STYXL1: variants seen among roughly 807,000 people sequenced by gnomAD.
STYXL1 encodes serine/threonine/tyrosine-interacting-like protein 1.
Under a neutral mutation model 36.4 loss-of-function variants are expected in STYXL1, and 32 were observed. The ratio of observed to expected loss-of-function variants is 0.88; its 90% CI spans 0.66 to 1.18. The LOEUF is 1.18. Among genes scored for constraint, STYXL1 ranks in the 50% most tolerant of loss-of-function variants. The probability of loss-of-function intolerance (pLI) is 0.00; values close to 1 mark genes in which losing one functional copy is unlikely to be tolerated. For missense variants in STYXL1, 354 were observed against 394.1 expected, an observed-to-expected ratio of 0.90 and a Z score of 0.86; for synonymous variants, 133 against 144.1, an observed-to-expected ratio of 0.92 and a Z score of 0.55.
At chr7:76,046,393 A>G in intron 1 of STYXL1, among the ~76,000 whole-genome samples, 1 of 150,350 alleles carries the variant, frequency 6.7e-6, no homozygotes, top group South Asian at 2.1e-4. Context: ...ATCACCCAGG[A>G]TGGAGTACAA....
chr7:76,018,556 A>G (rs1554574753), intron 4 of STYXL1, among the ~76,000 whole-genome samples: 2 of 151,994 alleles, frequency 1.3e-5, no homozygotes, highest in Non-Finnish European at 1.5e-5. Flanking sequence ...ACGCCCAGCT[A>G]ATTTTTGTAT....
At chr7:76,046,371 A>G in intron 1 of STYXL1, among the ~76,000 whole-genome samples, 1 of 142,962 alleles carries the variant, frequency 7.0e-6, no homozygotes, top group African/African-American at 2.7e-5. Context: ...TTTGAGCCGG[A>G]GTTTAGCTCT....
rs1795006879 is a variant in STYXL1, at chr7:76,028,719, A to G, written c.104-16T>C. ...GAACGGACATCTGGAAAGGAAACGTATTTAAGAACTGAATTTGCAAAGGAA... is the reference window on the plus strand; with the variant it reads ...GAACGGACATCTGGAAAGGAAACGTGTTTAAGAACTGAATTTGCAAAGGAA... On this transcript the variant is annotated splice_polypyrimidine_tract_variant and intron_variant, in intron 2 of 8. Coordinates refer to ENST00000359697, the MANE Select transcript of STYXL1 (RefSeq NM_001317785.2). 1.2e-6 allele frequency: 2 copies of G among 1,613,434 alleles called. No individual in the cohort carries two copies. The highest frequency in any genetic ancestry group is 1.7e-6 in the Non-Finnish European group (2 of 1,179,362).
At chr7:75,996,669 G>T in intron 8 of STYXL1, 70 bp from the exon 9 acceptor site, 2 of 1,517,668 alleles carry the variant, frequency 1.3e-6, no homozygotes, top group Non-Finnish European at 1.8e-6. Context: ...ATCAGAGGCA[G>T]CTTTCAGAGA....
intron 4 of STYXL1, among the ~76,000 whole-genome samples, chr7:76,019,789 C>T (rs1554575421): frequency 6.6e-6 from 1 of 151,868 alleles, no homozygotes; most frequent in Admixed American, 6.6e-5. Flanking sequence ...CCCCACAGGG[C>T]CTGGCTCAGA....
chr7:76,003,663 A>G (rs1204103922), intron 7 of STYXL1, 95 bp downstream of exon 7: 2 of 1,146,378 alleles, frequency 1.7e-6, no homozygotes, highest in East Asian at 2.5e-5. Flanking sequence ...GCATGGGGAA[A>G]TCACGGTCCA....
intron 4 of STYXL1, among the ~76,000 whole-genome samples, chr7:76,020,943 G>A (rs1793980841): frequency 6.6e-6 from 1 of 152,104 alleles, no homozygotes. Flanking sequence ...AAGAAGGGAG[G>A]GGAACAAATG....
Position 76,035,715 on chromosome 7 carries a change from A to C in STYXL1, c.-4-5188T>G, listed in dbSNP as rs148496089. ...TAGTCCTACAACCTCATTAAGCAAA[A>C]CTAAAAGCTGGCTCCTAACCCATCT... On this transcript the variant is annotated intron_variant, in intron 1 of 8. Coordinates refer to ENST00000359697, the MANE Select transcript of STYXL1 (RefSeq NM_001317785.2). Among the ~76,000 whole-genome samples, 46 of 149,818 alleles carry C rather than the reference A, an allele frequency of 3.1e-4. 1 individual carries two copies. The highest frequency in any genetic ancestry group is 1.1e-3 in the African/African-American group (46 of 41,102).
chr7:76,045,652 C>A (rs139750583), intron 1 of STYXL1: 1 of 152,238 alleles, frequency 6.6e-6, no homozygotes, highest in Non-Finnish European at 1.5e-5. Flanking sequence ...GCCGAGATCG[C>A]GCCACTGCAC....
chr7:76,005,548 G>C, intron 5 of STYXL1, 144 bp from the exon 6 acceptor site: 3 of 746,978 alleles, frequency 4.0e-6, no homozygotes, highest in Non-Finnish European at 4.3e-6. Context: ...CTTTGAAAGA[G>C]ATTGGCACAC....
Position 76,027,962 on chromosome 7 carries a change from G to A in STYXL1, c.165+680C>T, listed in dbSNP as rs142838568. ...CTATAAAAAATACAAAAATTAGCCA[G>A]GCCTGGTGGCATTCCCCATTGTAGT... On this transcript the variant is annotated intron_variant, in intron 3 of 8. Coordinates refer to ENST00000359697, the MANE Select transcript of STYXL1 (RefSeq NM_001317785.2). Among the ~76,000 whole-genome samples the A allele has an allele frequency of 7.6e-3, 1,154 of 152,122 alleles. 11 individuals are homozygous for A. The highest frequency in any genetic ancestry group is 0.024 in the African/African-American group (1,011 of 41,508).
intron 5 of STYXL1, among the ~76,000 whole-genome samples, chr7:76,006,061 T>TCTTTC (rs1554570256): frequency 4.6e-5 from 7 of 151,956 alleles, no homozygotes; most frequent in Non-Finnish European, 8.8e-5. Context: ...TCAACCCATC[T>TCTTTC]TTTTCTTTTC....
intron 3 of STYXL1, among the ~76,000 whole-genome samples, chr7:76,027,691 A>T (rs1305377006): frequency 6.6e-6 from 1 of 152,112 alleles, no homozygotes; most frequent in Non-Finnish European, 1.5e-5. Flanking sequence ...AAAAACAGAA[A>T]AAATAATTAA....
At chr7:76,021,582 A>G (rs1794078941) in intron 4 of STYXL1, among the ~76,000 whole-genome samples, 3 of 151,862 alleles carry the variant, frequency 2.0e-5, no homozygotes, top group Admixed American at 6.6e-5. Flanking sequence ...TCCTCAACCA[A>G]TCAATGACCC....
intron 3 of STYXL1, among the ~76,000 whole-genome samples, chr7:76,025,873 C>A (rs180678224): frequency 1.8e-4 from 27 of 151,934 alleles, no homozygotes; most frequent in Admixed American, 1.7e-3. Flanking sequence ...ATGCTCCCTG[C>A]TGAGTTATTG....
At chr7:76,019,989 C>G (rs555052007) in intron 4 of STYXL1, among the ~76,000 whole-genome samples, 1 of 150,800 alleles carries the variant, frequency 6.6e-6, no homozygotes, top group East Asian at 2.0e-4. Context: ...TGGTCTTGTA[C>G]CCCCAAAGAC....
chr7:76,028,710 A>T lies in STYXL1; in HGVS notation c.104-7T>A. ...TCCCATTTGGAACGGACATCTGGAAAGGAAACGTATTTAAGAACTGAATTT... is the reference window on the plus strand; with the variant it reads ...TCCCATTTGGAACGGACATCTGGAATGGAAACGTATTTAAGAACTGAATTT... On this transcript the variant is annotated splice_region_variant and splice_polypyrimidine_tract_variant and intron_variant, in intron 2 of 8. Coordinates refer to ENST00000359697, the MANE Select transcript of STYXL1 (RefSeq NM_001317785.2). 6.2e-7 allele frequency: 1 copy of T among 1,614,026 alleles called. No individual in the cohort carries two copies. Among genetic ancestry groups the T allele is most frequent in the South Asian group, 1.1e-5 (1 of 91,066 alleles).
chr7:76,000,607 C>T lies in STYXL1; in HGVS notation c.810+283G>A, dbSNP rs1469052731. The T allele has an allele frequency of 1.9e-5, 10 of 539,638 alleles. No homozygotes were observed. The East Asian group carries it at 4.6e-4, about 25-fold the overall frequency. 33.4% of individuals were successfully genotyped at this position (539,638 alleles called of 1,614,324 possible). ...CCAAGCAGTTCTCCCTTGGGCAACA[C>T]CAAACAAACACAGGTGGACGGCCTG... is the stretch of plus-strand genomic sequence containing the variant. On this transcript the variant is annotated intron_variant, in intron 8 of 8. Coordinates refer to ENST00000359697, the MANE Select transcript of STYXL1 (RefSeq NM_001317785.2).
intron 1 of STYXL1, among the ~76,000 whole-genome samples, chr7:76,042,323 G>A (rs1411655714): frequency 6.8e-6 from 1 of 146,634 alleles, no homozygotes; most frequent in Non-Finnish European, 1.5e-5. Flanking sequence ...TTCTTGCCTG[G>A]GAAAGTTAAG....
Sources: allele counts gnomAD v4.1 joint callset (sites outside exome capture counted in the v4.1 genomes callset), GRCh38; gene constraint gnomAD v4.1.1; transcripts MANE v1.5; gene names NCBI Gene and HGNC (gene_info 2026-07-23, HGNC 2026-07-21).